SVEP1: variants seen among roughly 807,000 people sequenced by gnomAD.
SVEP1 encodes sushi, von Willebrand factor type A, EGF and pentraxin domain-containing protein 1.
Under a neutral mutation model 367.3 loss-of-function variants are expected in SVEP1, and 164 were observed. That is an observed-to-expected ratio of 0.45 (90% CI 0.39 to 0.51). The LOEUF is 0.51. Ranked by LOEUF, SVEP1 falls within the 20% of genes least tolerant of loss-of-function variation. SVEP1 has a pLI of 0.00. For missense variants in SVEP1, 4,117 were observed against 4,425.3 expected (o/e 0.93, Z 1.98); for synonymous variants, 1,666 against 1,611.6 (o/e 1.03, Z -0.81).
At chr9:110,399,745 C>A (rs1289003430) in intron 40 of SVEP1, among the ~76,000 whole-genome samples, 1 of 152,004 alleles carries the variant, frequency 6.6e-6, no homozygotes, top group Non-Finnish European at 1.5e-5. Flanking sequence ...TGTTGCCCAG[C>A]CTGGTCTTGA....
rs761294390 is a variant in SVEP1 at position 110,436,362 on chromosome 9, A to T, written c.4764+18T>A. On this transcript the variant is annotated intron_variant, in intron 28 of 47. Coordinates refer to ENST00000374469, the MANE Select transcript of SVEP1 (RefSeq NM_153366.4). ...CCTTTGCATCTCATTACTGTCATAC[A>T]CTGAAAATGGAATTGACCTGCTGTG... 1 of 1,613,796 alleles carries T rather than the reference A, an allele frequency of 6.2e-7. No homozygotes were observed. Among genetic ancestry groups the T allele is most frequent in the Non-Finnish European group, 8.5e-7 (1 of 1,179,776 alleles).
At chr9:110,430,134 G>GTT in intron 33 of SVEP1, 130 bp from the exon 34 acceptor site, 1 of 1,106,120 alleles carries the variant, frequency 9.0e-7, no homozygotes. Flanking sequence ...GTGTGTGTGT[G>GTT]TGGGGTCATG....
chr9:110,389,948 T>C (rs1227364040), intron 40 of SVEP1, among the ~76,000 whole-genome samples: 1 of 151,054 alleles, frequency 6.6e-6, no homozygotes, highest in Non-Finnish European at 1.5e-5. Context: ...AATATATGTA[T>C]ATACACACAC....
chr9:110,441,925 C>A (rs1759937148), intron 27 of SVEP1, among the ~76,000 whole-genome samples: 1 of 152,204 alleles, frequency 6.6e-6, no homozygotes, highest in Non-Finnish European at 1.5e-5. Context: ...AACCTCAATC[C>A]TTAACCTACA....
chr9:110,457,408 C>A, intron 20 of SVEP1, 56 bp from the exon 21 acceptor site: 1 of 1,390,940 alleles, frequency 7.2e-7, no homozygotes, highest in Non-Finnish European at 1.0e-6. Context: ...TATTTCAAAG[C>A]AGTCCTGATT....
At chr9:110,465,768 A>G in intron 18 of SVEP1, 97 bp downstream of exon 18, 1 of 1,387,944 alleles carries the variant, frequency 7.2e-7, no homozygotes, top group Non-Finnish European at 9.7e-7. Flanking sequence ...CATTCTGTGC[A>G]TAGAGTAGAT....
At chr9:110,559,776 T>C (rs542958478) in intron 1 of SVEP1, among the ~76,000 whole-genome samples, 1 of 151,934 alleles carries the variant, frequency 6.6e-6, no homozygotes, top group African/African-American at 2.4e-5. Flanking sequence ...CCAGAATAAT[T>C]TGCAATAATA....
chr9:110,469,444 G>GA (rs1201362996), intron 16 of SVEP1, among the ~76,000 whole-genome samples: 22 of 152,232 alleles, frequency 1.4e-4, no homozygotes, highest in African/African-American at 4.6e-4. Flanking sequence ...GAGAAAAAAG[G>GA]AAAAAACAGT....
At chr9:110,546,784 T>C (rs1016612430) in intron 2 of SVEP1, among the ~76,000 whole-genome samples, 7 of 152,180 alleles carry the variant, frequency 4.6e-5, no homozygotes, top group African/African-American at 2.4e-5. Flanking sequence ...GTCACTTCTA[T>C]GGTATTTGAG....
Position 110,375,464 on chromosome 9 carries a change from C to CAA in SVEP1, c.10505-2_10505-1insTT. The CAA allele has an allele frequency of 1.8e-5, 7 of 399,054 alleles. No homozygotes were observed. The highest frequency in any genetic ancestry group is 1.1e-4 in the South Asian group (2 of 17,634). The allele number at this position is 399,054 out of a possible 1,614,324, so 24.7% of individuals were successfully genotyped here. ...TTCAGACAGGGAAGAATGCAGATTG[C>CAA]TAAAAAAAAAAAAAAAAAAAAAAAA... On this transcript the variant is annotated splice_acceptor_variant, in intron 45 of 47. Transcript: ENST00000374469. LOFTEE classifies it high-confidence loss of function.
At chr9:110,553,315 T>C (rs1317810904) in intron 1 of SVEP1, among the ~76,000 whole-genome samples, 1 of 152,214 alleles carries the variant, frequency 6.6e-6, no homozygotes, top group Non-Finnish European at 1.5e-5. Flanking sequence ...TGAGTTTGCT[T>C]AGATGTGCCT....
intron 21 of SVEP1, 42 bp from the exon 22 acceptor site, chr9:110,455,745 G>C (rs767804815): frequency 6.7e-7 from 1 of 1,488,652 alleles, no homozygotes; most frequent in Admixed American, 1.9e-5. Context: ...CCAAGGATGG[G>C]ATTAACCGAA....
intron 47 of SVEP1, chr9:110,369,457 C>G (rs1384569518): frequency 6.6e-6 from 1 of 152,352 alleles, no homozygotes; most frequent in African/African-American, 2.4e-5. Context: ...TAATGAAGAA[C>G]TTAAACATCT....
At chr9:110,381,216 CTGATCT>C (rs1459300997) in intron 43 of SVEP1, among the ~76,000 whole-genome samples, 2 of 151,982 alleles carry the variant, frequency 1.3e-5, no homozygotes, top group African/African-American at 4.8e-5. Context: ...CAGTTATGCT[CTGATCT>C]TGGTTATTTC....
intron 27 of SVEP1, 155 bp downstream of exon 27, chr9:110,443,390 C>A (rs1290947609): frequency 2.7e-5 from 19 of 693,252 alleles, no homozygotes; most frequent in South Asian, 4.4e-5. Context: ...CTTCTAATAA[C>A]CCACAGTTAG....
intron 27 of SVEP1, among the ~76,000 whole-genome samples, chr9:110,436,756 A>G (rs773764231): frequency 2.0e-5 from 3 of 152,252 alleles, no homozygotes; most frequent in Non-Finnish European, 4.4e-5. Flanking sequence ...TATTCAATAC[A>G]TATATATGCA....
At position 110,407,213 on chromosome 9, in the gene SVEP1, G is replaced by A. The variant is rs763298795; in HGVS notation, c.8387C>T (p.Thr2796Met). Residue 2796 changes from threonine to methionine, a missense_variant, in exon 38 of 48, where the codon ACG becomes ATG. Physicochemically the swap from Thr to Met is moderately conservative, Grantham distance 81. Coordinates refer to ENST00000374469, the MANE Select transcript of SVEP1 (RefSeq NM_153366.4). ...IKGSNYTYLSTLYYECDPGYV... is the reference protein window; with the variant it reads ...IKGSNYTYLSMLYYECDPGYV... ...TCCGGGGTCACACTCATAGTACAAC[G>A]TGCTCAGGTATGTGTAGTTGCTTCC... 1.6e-5 allele frequency: 26 copies of A among 1,613,852 alleles called. No individual in the cohort carries two copies. The highest frequency in any genetic ancestry group is 2.2e-5 in the Non-Finnish European group (26 of 1,179,898).
chr9:110,511,696 G>A (rs979835293), intron 5 of SVEP1, among the ~76,000 whole-genome samples: 13 of 151,654 alleles, frequency 8.6e-5, no homozygotes, highest in Admixed American at 7.9e-4. Flanking sequence ...GTCTTTTGGG[G>A]ATACCATGTA....
At chr9:110,541,566 T>C (rs920606165) in intron 3 of SVEP1, among the ~76,000 whole-genome samples, 1 of 152,108 alleles carries the variant, frequency 6.6e-6, no homozygotes, top group Non-Finnish European at 1.5e-5. Context: ...ATTATCTTAA[T>C]GCTCATTCAT....
Sources: gnomAD v4.1 joint callset for allele counts (sites outside exome capture counted in the v4.1 genomes callset) on GRCh38, gnomAD v4.1.1 for gene constraint, MANE v1.5 for transcripts, NCBI Gene and HGNC (gene_info 2026-07-23, HGNC 2026-07-21) for gene names.